Variants in TTC23 observed in about 807,000 individuals in gnomAD.
TTC23 encodes the protein tetratricopeptide repeat domain 23.
In TTC23, 58 loss-of-function variants were observed where a neutral mutation model predicts 55.1. The ratio of observed to expected loss-of-function variants is 1.05; its 90% confidence interval spans 0.85 to 1.31. The LOEUF (loss-of-function observed/expected upper bound fraction) is 1.31, where lower values mean the gene tolerates loss of function less well. Among genes scored for constraint, TTC23 ranks in the 50% most tolerant of loss-of-function variants. The pLI is 0.00. For missense variants in TTC23, 516 were observed against 534.4 expected (o/e 0.97, Z 0.34); for synonymous variants, 203 against 199.9 (o/e 1.02, Z -0.13).
At chr15:99,243,506 C>T (rs1312630492) in intron 2 of TTC23, among the ~76,000 whole-genome samples, 3 of 152,040 alleles carry the variant, frequency 2.0e-5, no homozygotes, top group Non-Finnish European at 4.4e-5. Flanking sequence ...CATATATATC[C>T]AAAAGAAAAG....
upstream of TTC23, chr15:99,249,896 AC>A (rs1163313793): frequency 6.6e-6 from 1 of 152,170 alleles, no homozygotes; most frequent in African/African-American, 2.4e-5. Flanking sequence ...TCACTTGGTA[AC>A]TTTTGTGTCA....
chr15:99,175,987 T>C (rs2151933963), intron 9 of TTC23, among the ~76,000 whole-genome samples: 1 of 152,102 alleles, frequency 6.6e-6, no homozygotes, highest in East Asian at 1.9e-4. Flanking sequence ...AGAGACTCTG[T>C]CTCAAAAAAT....
chr15:99,221,199 A>C (rs2077892335), intron 6 of TTC23, among the ~76,000 whole-genome samples: 1 of 152,222 alleles, frequency 6.6e-6, no homozygotes. Flanking sequence ...AAATACCAAG[A>C]AAAACAGAGC....
intron 8 of TTC23, among the ~76,000 whole-genome samples, chr15:99,208,220 T>C (rs2076774394): frequency 6.6e-6 from 1 of 152,120 alleles, no homozygotes; most frequent in South Asian, 2.1e-4. Flanking sequence ...GAAGGAAACA[T>C]ACATATAAAG....
chr15:99,162,437 GA>G lies in TTC23; in HGVS notation c.866-571del, dbSNP rs537297650. Among the ~76,000 whole-genome samples the G allele has an allele frequency of 1.5e-3, 228 of 152,194 alleles. 1 individual carries two copies. Among genetic ancestry groups the G allele is most frequent in the African/African-American group, 5.3e-3 (222 of 41,528 alleles). Reference sequence around the variant, plus strand: ...AAATGCATGCCAATCTTGAATGCAAGAAAAAGAAAACCTCAGGTATGGAAAA... The same window carrying G: ...AAATGCATGCCAATCTTGAATGCAAGAAAAGAAAACCTCAGGTATGGAAAA... On this transcript the variant is annotated intron_variant, in intron 10 of 13. Coordinates refer to ENST00000394132, the MANE Select transcript of TTC23 (RefSeq NM_001288615.3).
intron 8 of TTC23, 105 bp downstream of exon 8, chr15:99,218,483 G>T: frequency 6.9e-7 from 1 of 1,446,712 alleles, no homozygotes; most frequent in Non-Finnish European, 9.5e-7. Flanking sequence ...CTCCAGAGAA[G>T]CCATGGCCGC....
intron 3 of TTC23, among the ~76,000 whole-genome samples, chr15:99,239,169 A>T (rs1003527421): frequency 4.6e-5 from 7 of 152,160 alleles, no homozygotes; most frequent in Admixed American, 3.9e-4. Context: ...TGGTGTTCTC[A>T]TTCCTGGGTA....
rs2080523011 is a variant in TTC23 at position 99,249,259 on chromosome 15, T to G, written c.-519A>C. 6.6e-6 allele frequency: 1 copy of G among 152,206 alleles called. No homozygotes were observed. Among genetic ancestry groups the G allele is most frequent in the African/African-American group, 2.4e-5 (1 of 41,458 alleles). The allele number at this position is 152,206 out of a possible 1,614,324, so 9.4% of individuals were successfully genotyped here. On this transcript the variant is annotated 5_prime_UTR_variant, in exon 1 of 14. Transcript: ENST00000394132. ...GCTCTCTGAACACTCTTCTTCCTGC[T>G]GTCTTTAAATTGTGCCTGTATTTTC...
At chr15:99,178,617 T>C (rs1265429129) in intron 9 of TTC23, among the ~76,000 whole-genome samples, 2 of 152,184 alleles carry the variant, frequency 1.3e-5, no homozygotes, top group East Asian at 1.9e-4. Context: ...AAATGTAGGA[T>C]AGTTTGTATT....
intron 3 of TTC23, among the ~76,000 whole-genome samples, chr15:99,239,535 A>C (rs1462909042): frequency 6.6e-6 from 1 of 152,154 alleles, no homozygotes; most frequent in Non-Finnish European, 1.5e-5. Context: ...AAATAAATAA[A>C]AACGTTAAAG....
chr15:99,239,162 T>C (rs1323967836), intron 3 of TTC23, among the ~76,000 whole-genome samples: 1 of 152,082 alleles, frequency 6.6e-6, no homozygotes, highest in Non-Finnish European at 1.5e-5. Flanking sequence ...ATGTAGGTGG[T>C]GTTCTCATTC....
At chr15:99,243,330 T>C (rs2079967593) in intron 2 of TTC23, among the ~76,000 whole-genome samples, 1 of 152,166 alleles carries the variant, frequency 6.6e-6, no homozygotes, top group Non-Finnish European at 1.5e-5. Context: ...ATGGCTTTTA[T>C]TAAAAAGGCA....
rs201070560 is a variant in TTC23 at position 99,174,478 on chromosome 15, T to A, written c.865+572A>T. 5.7e-5 allele frequency among the ~76,000 whole-genome samples: 8 copies of A among 141,002 alleles called. No homozygotes were observed. The East Asian group carries it at 1.7e-3, about 30-fold the overall frequency. 92.5% of individuals were successfully genotyped at this position (141,002 alleles called of 152,430 possible). ...TATTATGACCAAAAAAAAAAAAAAA[T>A]CATTAGTACTATGTGTTTTCTGCCA... On this transcript the variant is annotated intron_variant, in intron 10 of 13. Coordinates refer to ENST00000394132, the MANE Select transcript of TTC23 (RefSeq NM_001288615.3).
At chr15:99,168,299 G>A (rs1052543231) in intron 10 of TTC23, among the ~76,000 whole-genome samples, 13 of 152,162 alleles carry the variant, frequency 8.5e-5, no homozygotes, top group African/African-American at 3.1e-4. Flanking sequence ...GTATAAATAT[G>A]CAGAGTGCCC....
At chr15:99,144,972 G>A (rs1440006213) in intron 12 of TTC23, 1 of 152,260 alleles carries the variant, frequency 6.6e-6, no homozygotes, top group Non-Finnish European at 1.5e-5. Flanking sequence ...CTACGTGGAA[G>A]CGTGAAATGT....
At chr15:99,200,206 C>T (rs779408212) in intron 8 of TTC23, 110 bp from the exon 9 acceptor site, 42 of 1,004,826 alleles carry the variant, frequency 4.2e-5, no homozygotes, top group Non-Finnish European at 5.7e-5. Context: ...TGTTCAGGTT[C>T]GTTTCCTTGC....
rs2078725989 is a variant in TTC23, at chr15:99,229,125, A to G, written c.-20-393T>C. Among the ~76,000 whole-genome samples, 2 of 150,976 alleles carry G rather than the reference A, an allele frequency of 1.3e-5. 1 individual carries two copies. Among genetic ancestry groups the G allele is most frequent in the South Asian group, 4.2e-4 (2 of 4,762 alleles). On this transcript the variant is annotated intron_variant, in intron 4 of 13. Transcript: ENST00000394132. ...CAGTAGAAATTAGCCTAGCACATAC[A>G]TATGTATTTGCATGTACATATATAT...
intron 5 of TTC23, among the ~76,000 whole-genome samples, chr15:99,226,668 C>T (rs546544817): frequency 5.3e-4 from 80 of 152,246 alleles, no homozygotes; most frequent in Non-Finnish European, 1.0e-3. Context: ...ATATGTCCTG[C>T]TTGTGCCTAC....
chr15:99,181,301 C>A (rs552208145), intron 9 of TTC23, among the ~76,000 whole-genome samples: 2 of 152,146 alleles, frequency 1.3e-5, no homozygotes, highest in African/African-American at 4.8e-5. Context: ...TAGACTCTGT[C>A]CAGAAATGGA....
Sources: allele counts gnomAD v4.1 joint callset (sites outside exome capture counted in the v4.1 genomes callset), GRCh38; gene constraint gnomAD v4.1.1; transcripts MANE v1.5; gene names NCBI Gene and HGNC (gene_info 2026-07-23, HGNC 2026-07-21).